AADACL2: variants seen among roughly 807,000 people sequenced by gnomAD.
AADACL2 encodes arylacetamide deacetylase-like 2.
AADACL2 carries 23 observed loss-of-function variants against 22.3 expected under a neutral mutation model. The ratio of observed to expected loss-of-function variants is 1.03; its 90% CI spans 0.74 to 1.46. AADACL2 has a LOEUF of 1.46. AADACL2 is among the 40% of genes most tolerant of loss of function. The pLI is 0.00. For missense variants in AADACL2, 472 were observed against 482.9 expected (o/e 0.98, Z 0.21); for synonymous variants, 177 against 166.2 (o/e 1.07, Z -0.50).
intron 2 of AADACL2, among the ~76,000 whole-genome samples, chr3:151,743,422 G>T (rs1473288658): frequency 6.6e-6 from 1 of 152,092 alleles, no homozygotes; most frequent in East Asian, 1.9e-4. Context: ...CCTGGGGAAA[G>T]ATGTGTGTGT....
intron 2 of AADACL2, 97 bp downstream of exon 2, chr3:151,740,965 T>G: frequency 1.1e-6 from 1 of 940,352 alleles, no homozygotes; most frequent in Non-Finnish European, 1.6e-6. Context: ...GATACATACA[T>G]CTATATATAT....
chr3:151,745,439 C>T, intron 3 of AADACL2, 70 bp from the exon 4 acceptor site: 13 of 1,461,962 alleles, frequency 8.9e-6, no homozygotes, highest in Non-Finnish European at 1.2e-5. Flanking sequence ...CATTAAATTG[C>T]ATCTATTTGG....
rs1714068838 is a variant in AADACL2 at position 151,759,324 on chromosome 3, C to T, written c.*1730C>T. 1 of 152,058 alleles carries T rather than the reference C, an allele frequency of 6.6e-6. No homozygotes were observed. Among genetic ancestry groups the T allele is most frequent in the Non-Finnish European group, 1.5e-5 (1 of 67,976 alleles). The allele number at this position is 152,058 out of a possible 1,614,324, so 9.4% of individuals were successfully genotyped here. On this transcript the variant is annotated 3_prime_UTR_variant, in exon 5 of 5. Transcript: ENST00000356517. ...CCCGTTCTAATTAGGAAAACAAGTCCTAGAAATCTCTTCATTTTGACAGCA... is the reference window on the plus strand; with the variant it reads ...CCCGTTCTAATTAGGAAAACAAGTCTTAGAAATCTCTTCATTTTGACAGCA...
intron 4 of AADACL2, among the ~76,000 whole-genome samples, chr3:151,752,444 T>C (rs1713708155): frequency 6.6e-6 from 1 of 152,204 alleles, no homozygotes; most frequent in African/African-American, 2.4e-5. Flanking sequence ...TAACCTATTA[T>C]TGCTAGATTT....
At position 151,740,667 on chromosome 3, in the gene AADACL2, C is replaced by T. The variant is rs763997055; in HGVS notation, c.160C>T (p.Arg54Cys). The T allele has an allele frequency of 8.1e-6, 13 of 1,607,360 alleles. No homozygotes were observed. Among genetic ancestry groups the T allele is most frequent in the Admixed American group, 1.7e-5 (1 of 59,718 alleles). ...ACAGGCTATGTGTTTTGAAAATATGCGTATTATGAGATATGAAGAGTTTAT... is the reference window on the plus strand; with the variant it reads ...ACAGGCTATGTGTTTTGAAAATATGTGTATTATGAGATATGAAGAGTTTAT... Reference protein sequence around the residue: ...TFTAMCFENMRIMRYEEFISM... With the variant: ...TFTAMCFENMCIMRYEEFISM... Residue 54 changes from arginine to cysteine, a missense_variant, in exon 2 of 5, where the codon CGT becomes TGT. By Grantham distance (180) the Arg-to-Cys change is radical. Transcript: ENST00000356517.
intron 4 of AADACL2, among the ~76,000 whole-genome samples, chr3:151,756,566 T>C (rs1265993371): frequency 2.0e-5 from 3 of 152,026 alleles, no homozygotes; most frequent in Admixed American, 2.0e-4. Context: ...TTAATAGCTA[T>C]ATTTATTTCT....
Position 151,733,964 on chromosome 3 carries a change from T to A in AADACL2, c.-72T>A. The A allele has an allele frequency of 6.9e-7, 1 of 1,455,516 alleles. No homozygotes were observed. Among genetic ancestry groups the A allele is most frequent in the Non-Finnish European group, 9.2e-7 (1 of 1,086,014 alleles). The allele number at this position is 1,455,516 out of a possible 1,614,324, so 90.2% of individuals were successfully genotyped here. On this transcript the variant is annotated 5_prime_UTR_variant, in exon 1 of 5. Coordinates refer to ENST00000356517, the MANE Select transcript of AADACL2 (RefSeq NM_207365.4). ...AGAGTTCCCAAGTCTACAATTGCTCTACTAGTTACTATTCAGTGTTTGTGA... is the reference window on the plus strand; with the variant it reads ...AGAGTTCCCAAGTCTACAATTGCTCAACTAGTTACTATTCAGTGTTTGTGA...
intron 4 of AADACL2, 112 bp downstream of exon 4, chr3:151,745,792 G>A (rs1390414924): frequency 9.2e-7 from 1 of 1,086,910 alleles, no homozygotes; most frequent in Non-Finnish European, 1.3e-6. Context: ...CTTTCCCATT[G>A]AATTACAGTA....
At chr3:151,741,420 T>C (rs1209096214) in intron 2 of AADACL2, among the ~76,000 whole-genome samples, 2 of 152,172 alleles carry the variant, frequency 1.3e-5, no homozygotes, top group African/African-American at 4.8e-5. Context: ...TAGGCATTTT[T>C]CTTACAGTGA....
In AADACL2 at chr3:151,757,440, T is replaced by G; in HGVS notation, c.1052T>G (p.Val351Gly). The change falls in exon 5 of 5, where the codon GTT becomes GGT. Residue 351 changes from valine to glycine, a missense_variant. This residue lies in a region of AADACL2 where 113 missense variants were observed against 100.9 expected (regional missense o/e 1.12). Coordinates refer to ENST00000356517, the MANE Select transcript of AADACL2 (RefSeq NM_207365.4). Reference sequence around the variant, plus strand: ...TTAAGAGATGATGGACTTATGTATGTTACAAGACTTCGAAATGTTGGAGTC... The same window carrying G: ...TTAAGAGATGATGGACTTATGTATGGTACAAGACTTCGAAATGTTGGAGTC... The part of the protein sequence containing the change: ...DLLRDDGLMY[V>G]TRLRNVGVQV... 6.2e-7 allele frequency: 1 copy of G among 1,613,658 alleles called. No homozygotes were observed.
chr3:151,738,342 T>G (rs909121472), intron 1 of AADACL2, among the ~76,000 whole-genome samples: 7 of 152,338 alleles, frequency 4.6e-5, no homozygotes, highest in African/African-American at 1.4e-4. Flanking sequence ...TTCTGGCTTG[T>G]AGAGTTTCTG....
At chr3:151,740,551 T>C in intron 1 of AADACL2, 95 bp from the exon 2 acceptor site, 1 of 794,846 alleles carries the variant, frequency 1.3e-6, no homozygotes, top group African/African-American at 1.8e-5. Flanking sequence ...TTGTTTACCT[T>C]GCTTATTTTT....
Position 151,757,114 on chromosome 3 carries a change from C to T in AADACL2, c.726C>T (p.Thr242=). 6.2e-7 allele frequency: 1 copy of T among 1,612,638 alleles called. No individual in the cohort carries two copies. Among genetic ancestry groups the T allele is most frequent in the Non-Finnish European group, 8.5e-7 (1 of 1,179,544 alleles). ...AAAATGAGCATGGTATAGTTTTGAC[C>T]AGGGATGTAGCCATAAAACTCGTGA... ...HRENEHGIVL[T]RDVAIKLVSL... Residue 242 remains threonine (T), a synonymous_variant, in exon 5 of 5, where the codon ACC becomes ACT. Coordinates refer to ENST00000356517, the MANE Select transcript of AADACL2 (RefSeq NM_207365.4).
chr3:151,733,998 A>C lies in AADACL2; in HGVS notation c.-38A>C, dbSNP rs772755346. ...CTATTCAGTGTTTGTGAAAAATTTTAATCTCAGTACTGTGAAGAAGCTGGA... is the reference window on the plus strand; with the variant it reads ...CTATTCAGTGTTTGTGAAAAATTTTCATCTCAGTACTGTGAAGAAGCTGGA... On this transcript the variant is annotated 5_prime_UTR_variant, in exon 1 of 5. Transcript: ENST00000356517. 1.3e-6 allele frequency: 2 copies of C among 1,541,742 alleles called. No homozygotes were observed. The highest frequency in any genetic ancestry group is 1.7e-6 in the Non-Finnish European group (2 of 1,143,572).
intron 4 of AADACL2, among the ~76,000 whole-genome samples, chr3:151,756,304 C>T (rs1395981418): frequency 1.3e-5 from 2 of 151,876 alleles, no homozygotes; most frequent in African/African-American, 2.4e-5. Flanking sequence ...ACATTTTATC[C>T]TTGCATATCA....
intron 2 of AADACL2, among the ~76,000 whole-genome samples, chr3:151,741,397 C>T (rs1713274633): frequency 6.6e-6 from 1 of 151,970 alleles, no homozygotes; most frequent in South Asian, 2.1e-4. Context: ...TCTCGGTTCC[C>T]TACTTGTCTT....
chr3:151,760,560 GA>G lies in AADACL2; in HGVS notation c.*2969del, dbSNP rs1714107736. On this transcript the variant is annotated 3_prime_UTR_variant, in exon 5 of 5. Transcript: ENST00000356517. ...TCTGATAATCTGCCTGTGTCTCCTG[GA>G]AACATAAGGTGTAGGTTTCTGACAC... is the stretch of plus-strand genomic sequence containing the variant. 1.3e-5 allele frequency: 2 copies of G among 152,404 alleles called. No homozygotes were observed. The highest frequency in any genetic ancestry group is 6.5e-5 in the Admixed American group (1 of 15,276). 9.4% of individuals were successfully genotyped at this position (152,404 alleles called of 1,614,324 possible). A position where few individuals can be genotyped will look rare whatever the true frequency, so the allele number is the denominator to read the frequency against.
At chr3:151,747,744 C>T (rs888370440) in intron 4 of AADACL2, among the ~76,000 whole-genome samples, 3 of 151,852 alleles carry the variant, frequency 2.0e-5, no homozygotes, top group African/African-American at 7.3e-5. Context: ...AATGAATATG[C>T]GAGTACAGAT....
At chr3:151,742,531 GT>G (rs1485729704) in intron 2 of AADACL2, among the ~76,000 whole-genome samples, 2 of 152,160 alleles carry the variant, frequency 1.3e-5, no homozygotes, top group African/African-American at 4.8e-5. Flanking sequence ...GGCTTTAAAG[GT>G]TATGAAATGA....
Sources: allele counts gnomAD v4.1 joint callset (sites outside exome capture counted in the v4.1 genomes callset), GRCh38; gene constraint gnomAD v4.1.1; regional missense constraint gnomAD v4.1.1; transcripts MANE v1.5; gene names NCBI Gene and HGNC (gene_info 2026-07-23, HGNC 2026-07-21).